The following SHISA6 variants were observed in gnomAD, a reference collection of about 807,000 sequenced individuals.
SHISA6 encodes the protein shisa family member 6.
Under a neutral mutation model 47.9 loss-of-function variants are expected in SHISA6, and 22 were observed. That is an observed-to-expected ratio of 0.46 (90% confidence interval 0.33 to 0.66). The LOEUF (loss-of-function observed/expected upper bound fraction) is 0.66, where lower values mean the gene tolerates loss of function less well. Ranked by LOEUF, SHISA6 falls within the 30% of genes least tolerant of loss-of-function variation. The pLI is 0.02. For missense variants in SHISA6, 680 were observed against 764.6 expected (o/e 0.89, Z 1.30); for synonymous variants, 388 against 337.8 (o/e 1.15, Z -1.63).
chr17:11,503,624 C>T (rs143413847), intron 3 of SHISA6, among the ~76,000 whole-genome samples: 157 of 152,250 alleles, frequency 1.0e-3, no homozygotes, highest in African/African-American at 3.5e-3. Flanking sequence ...CCTCAGAGAC[C>T]GTTCTGAAAA....
At chr17:11,350,169 TA>T (rs1250222495) in intron 2 of SHISA6, among the ~76,000 whole-genome samples, 16 of 113,370 alleles carry the variant, frequency 1.4e-4, no homozygotes, top group Admixed American at 4.3e-4. Context: ...TTTATTTATT[TA>T]TTTATTTATT....
intron 2 of SHISA6, among the ~76,000 whole-genome samples, chr17:11,270,692 A>C (rs1908607249): frequency 6.6e-6 from 1 of 152,216 alleles, no homozygotes; most frequent in Non-Finnish European, 1.5e-5. Flanking sequence ...TTTCCATAAA[A>C]TGTCATTTAC....
At chr17:11,321,669 C>T (rs1415522558) in intron 2 of SHISA6, among the ~76,000 whole-genome samples, 1 of 151,996 alleles carries the variant, frequency 6.6e-6, no homozygotes, top group African/African-American at 2.4e-5. Flanking sequence ...CTGGTCCCTC[C>T]GTTTTTTGTT....
intron 3 of SHISA6, among the ~76,000 whole-genome samples, chr17:11,455,426 T>C (rs970573921): frequency 6.6e-6 from 1 of 152,148 alleles, no homozygotes; most frequent in Non-Finnish European, 1.5e-5. Flanking sequence ...GGAAGCAAAT[T>C]CATGGAAGAG....
At chr17:11,355,177 C>A (rs576450223) in intron 2 of SHISA6, among the ~76,000 whole-genome samples, 1 of 152,348 alleles carries the variant, frequency 6.6e-6, no homozygotes, top group African/African-American at 2.4e-5. Flanking sequence ...AGTGAGTGGA[C>A]AGAGCCAATG....
chr17:11,351,799 A>G (rs980102521), intron 2 of SHISA6, among the ~76,000 whole-genome samples: 10 of 152,214 alleles, frequency 6.6e-5, no homozygotes, highest in Non-Finnish European at 1.5e-4. Flanking sequence ...CAAATGAAAG[A>G]GGGGGATGAA....
At chr17:11,440,389 C>T (rs1915062193) in intron 3 of SHISA6, among the ~76,000 whole-genome samples, 1 of 151,968 alleles carries the variant, frequency 6.6e-6, no homozygotes, top group South Asian at 2.1e-4. Context: ...AGAGAACATA[C>T]CAGTCCTCAA....
intron 1 of SHISA6, among the ~76,000 whole-genome samples, chr17:11,255,926 T>C (rs534047489): frequency 5.9e-5 from 9 of 152,384 alleles, no homozygotes; most frequent in African/African-American, 1.9e-4. Context: ...CCAGGCTCCT[T>C]GTAAGCCTCG....
intron 3 of SHISA6, among the ~76,000 whole-genome samples, chr17:11,442,627 G>T (rs1365836509): frequency 6.6e-6 from 1 of 152,202 alleles, no homozygotes; most frequent in Admixed American, 6.5e-5. Context: ...TTAGCTCAGT[G>T]CCTGGCTCAC....
At chr17:11,554,945 T>C (rs1432952827) in intron 4 of SHISA6, among the ~76,000 whole-genome samples, 1 of 152,106 alleles carries the variant, frequency 6.6e-6, no homozygotes, top group Non-Finnish European at 1.5e-5. Flanking sequence ...CTCCCACTTT[T>C]CCTTCCATTC....
At position 11,551,951 on chromosome 17, in the gene SHISA6, T is replaced by A; in HGVS notation, c.951T>A (p.His317Gln). ...ILSSVTQIPP[H>Q]EKPRMNNILT... ...GCAGTGTTACCCAGATCCCGCCACA[T>A]GGTGAGAGATGATTGAGAGCACTCT... Residue 317 changes from histidine (H) to glutamine (Q), a missense_variant and splice_region_variant, in exon 4 of 6, where the codon CAT becomes CAA. Transcript: ENST00000441885. 6.4e-7 allele frequency: 1 copy of A among 1,551,676 alleles called. No individual in the cohort carries two copies. The highest frequency in any genetic ancestry group is 8.7e-7 in the Non-Finnish European group (1 of 1,146,970).
rs72635525 is a variant in SHISA6, at chr17:11,419,536, G to T, written c.895+40027G>T. On this transcript the variant is annotated intron_variant, in intron 3 of 5. Coordinates refer to ENST00000441885, the MANE Select transcript of SHISA6 (RefSeq NM_207386.4). ...GTAGTTAGATTACGTTGAGTGAACC[G>T]TTAGGAGTTTAGGCAGGCAGTGGAA... Among the ~76,000 whole-genome samples, 2,911 of 152,246 alleles carry T rather than the reference G, an allele frequency of 0.019. 250 individuals carry two copies. The East Asian group carries it at 0.27, about 14-fold the overall frequency.
chr17:11,394,041 A>G (rs1012732342), intron 3 of SHISA6, among the ~76,000 whole-genome samples: 4 of 151,908 alleles, frequency 2.6e-5, no homozygotes, highest in Non-Finnish European at 5.9e-5. Flanking sequence ...TCTTTATCAT[A>G]CTCTTCAAAA....
chr17:11,545,504 A>G (rs537924593), intron 3 of SHISA6, among the ~76,000 whole-genome samples: 2 of 152,340 alleles, frequency 1.3e-5, no homozygotes, highest in South Asian at 4.1e-4. Flanking sequence ...ATTTTGATAT[A>G]GTACTATATT....
Position 11,454,532 on chromosome 17 carries a change from C to G in SHISA6, c.895+75023C>G, listed in dbSNP as rs555002183. 1.1e-4 allele frequency among the ~76,000 whole-genome samples: 16 copies of G among 152,310 alleles called. No individual in the cohort carries two copies. In the East Asian group the frequency reaches 2.9e-3, roughly 28 times the overall value. On this transcript the variant is annotated intron_variant, in intron 3 of 5. Transcript: ENST00000441885. ...TACACTCAGCCAATTTTCCACTTTC[C>G]TCTTCATTGTCCTGCACAGTCAATT... is the stretch of plus-strand genomic sequence containing the variant.
At chr17:11,294,535 A>G (rs2142172043) in intron 2 of SHISA6, among the ~76,000 whole-genome samples, 1 of 152,358 alleles carries the variant, frequency 6.6e-6, no homozygotes, top group East Asian at 1.9e-4. Flanking sequence ...TTTAACAGAC[A>G]GAATCCCACT....
chr17:11,522,840 A>C (rs2071642475), intron 3 of SHISA6, among the ~76,000 whole-genome samples: 1 of 152,186 alleles, frequency 6.6e-6, no homozygotes, highest in Non-Finnish European at 1.5e-5. Flanking sequence ...CATTTTCAAC[A>C]AGAAATATTT....
intron 3 of SHISA6, among the ~76,000 whole-genome samples, chr17:11,427,324 G>A (rs1366257276): frequency 1.3e-5 from 2 of 152,066 alleles, no homozygotes; most frequent in African/African-American, 4.8e-5. Context: ...TAGTAGAGAC[G>A]GGGTTTCACC....
At chr17:11,347,084 A>T (rs1345524113) in intron 2 of SHISA6, among the ~76,000 whole-genome samples, 1 of 152,152 alleles carries the variant, frequency 6.6e-6, no homozygotes, top group African/African-American at 2.4e-5. Context: ...TTGGATGGTG[A>T]TGATTCATCT....
Sources: gnomAD v4.1 joint callset for allele counts (sites outside exome capture counted in the v4.1 genomes callset) on GRCh38, gnomAD v4.1.1 for gene constraint, MANE v1.5 for transcripts, NCBI Gene and HGNC (gene_info 2026-07-23, HGNC 2026-07-21) for gene names.